DNAI2: variants seen among roughly 807,000 people sequenced by gnomAD.
DNAI2 encodes the protein dynein, axonemal, intermediate polypeptide 2.
Under a neutral mutation model 74.7 loss-of-function variants are expected in DNAI2, and 63 were observed. The ratio of observed to expected loss-of-function variants is 0.84; its 90% CI spans 0.69 to 1.04. The LOEUF (loss-of-function observed/expected upper bound fraction) is 1.04. Among genes scored for constraint, DNAI2 ranks in the 50% least tolerant of loss-of-function variants. The probability of loss-of-function intolerance (pLI) is 0.00; values close to 1 mark genes in which losing one functional copy is unlikely to be tolerated. For missense variants in DNAI2, 688 were observed against 803.2 expected (o/e 0.86, Z 1.73); for synonymous variants, 289 against 314.9 (o/e 0.92, Z 0.87).
chr17:74,287,405 T>C (rs1419661429), intron 4 of DNAI2, among the ~76,000 whole-genome samples: 1 of 152,228 alleles, frequency 6.6e-6, no homozygotes, highest in Non-Finnish European at 1.5e-5. Flanking sequence ...AGCAGCACTG[T>C]GGGCACACAG....
chr17:74,280,748 C>T (rs1351074046), intron 1 of DNAI2, among the ~76,000 whole-genome samples: 1 of 152,142 alleles, frequency 6.6e-6, no homozygotes, highest in Non-Finnish European at 1.5e-5. Context: ...AACATCATCA[C>T]CATCAATATT....
chr17:74,306,115 T>C (rs916612495), intron 9 of DNAI2, among the ~76,000 whole-genome samples: 2 of 152,220 alleles, frequency 1.3e-5, no homozygotes, highest in African/African-American at 2.4e-5. Flanking sequence ...GGAGCCGAGA[T>C]TGGGTGTGAA....
chr17:74,291,788 A>C (rs1227805974), intron 6 of DNAI2, among the ~76,000 whole-genome samples: 2 of 152,316 alleles, frequency 1.3e-5, no homozygotes, highest in Middle Eastern at 3.4e-3. Context: ...CCTACATGCT[A>C]ACGGATATGG....
At position 74,289,533 on chromosome 17, in the gene DNAI2, AAG is replaced by A. The variant is rs1491222259; in HGVS notation, c.468-60_468-59del. ...GACTCCATCTGACAAAAAAAAAAAAAAGGGGGAGAAATTGGGGAACCTCACAT... is the reference window on the plus strand; with the variant it reads ...GACTCCATCTGACAAAAAAAAAAAAAGGGGAGAAATTGGGGAACCTCACAT... On this transcript the variant is annotated intron_variant, in intron 4 of 13. Transcript: ENST00000311014. 11 of 1,575,982 alleles carry A rather than the reference AAG, an allele frequency of 7.0e-6. No individual in the cohort carries two copies. The African/African-American group carries it at 9.6e-5, about 14-fold the overall frequency.
chr17:74,309,441 G>A (rs779484407), intron 10 of DNAI2, 53 bp downstream of exon 10: 13 of 1,612,508 alleles, frequency 8.1e-6, no homozygotes, highest in African/African-American at 4.0e-5. Context: ...GCCAGGTCCC[G>A]GCGTGGGTGT....
At chr17:74,292,660 G>A (rs192074694) in intron 6 of DNAI2, among the ~76,000 whole-genome samples, 7 of 152,036 alleles carry the variant, frequency 4.6e-5, no homozygotes, top group South Asian at 2.1e-4. Flanking sequence ...CAAGGGATCC[G>A]CCTGCCTTGG....
intron 4 of DNAI2, 113 bp downstream of exon 4, chr17:74,287,211 G>A (rs941953597): frequency 6.7e-7 from 1 of 1,500,336 alleles, no homozygotes; most frequent in Non-Finnish European, 9.1e-7. Context: ...CACTGTCTGT[G>A]CTCTGAGCTT....
intron 3 of DNAI2, 26 bp downstream of exon 3, chr17:74,285,227 C>T (rs528389057): frequency 6.6e-5 from 106 of 1,611,768 alleles, no homozygotes; most frequent in Non-Finnish European, 8.0e-5. Flanking sequence ...GCCCCAGCTG[C>T]AAGAGCCCCA....
At chr17:74,291,978 C>T (rs1186163209) in intron 6 of DNAI2, among the ~76,000 whole-genome samples, 1 of 152,148 alleles carries the variant, frequency 6.6e-6, no homozygotes, top group Non-Finnish European at 1.5e-5. Context: ...ATTCTCCTGC[C>T]TCAGCCTCCT....
At chr17:74,309,579 C>T (rs1260186000) in intron 10 of DNAI2, 191 bp downstream of exon 10, 1 of 815,508 alleles carries the variant, frequency 1.2e-6, no homozygotes, top group South Asian at 1.4e-5. Context: ...GGTTAAGGGG[C>T]CTGGGGGATT....
At chr17:74,274,922 G>A (rs570860628) in intron 1 of DNAI2, among the ~76,000 whole-genome samples, 1 of 152,168 alleles carries the variant, frequency 6.6e-6, no homozygotes, top group South Asian at 2.1e-4. Flanking sequence ...CCTGCTCAAG[G>A]TCAAGGTTTA....
At chr17:74,297,705 A>C (rs1202166966) in intron 6 of DNAI2, among the ~76,000 whole-genome samples, 1 of 148,674 alleles carries the variant, frequency 6.7e-6, no homozygotes, top group Non-Finnish European at 1.5e-5. Context: ...TTTTTTTTTA[A>C]TCTCCAGTGA....
At position 74,300,804 on chromosome 17, in the gene DNAI2, G is replaced by A. The variant is rs921373310; in HGVS notation, c.865-242G>A. ...CCTGGAGGTTTTGATTCAGTAGGTC[G>A]AGGGCGAGGCCTCAGCATCTGGGTT... is the stretch of plus-strand genomic sequence containing the variant. On this transcript the variant is annotated intron_variant, in intron 7 of 13. Transcript: ENST00000311014. The surrounding 1 kb of genome is among the most constrained non-coding windows in gnomAD (Gnocchi z 4.5). Among the ~76,000 whole-genome samples, 3 of 152,168 alleles carry A rather than the reference G, an allele frequency of 2.0e-5. No homozygotes were observed. Among genetic ancestry groups the A allele is most frequent in the Admixed American group, 1.3e-4 (2 of 15,282 alleles).
chr17:74,291,175 T>C (rs749741473), intron 6 of DNAI2, 42 bp downstream of exon 6: 27 of 1,502,716 alleles, frequency 1.8e-5, no homozygotes, highest in Non-Finnish European at 2.4e-5. Flanking sequence ...TTTTTATTTT[T>C]TTTAGATGGA....
rs1214535826 is a variant in DNAI2, at chr17:74,289,624, A to G, written c.498A>G (p.Thr166=). 2 of 1,613,794 alleles carry G rather than the reference A, an allele frequency of 1.2e-6. No individual in the cohort carries two copies. Among genetic ancestry groups the G allele is most frequent in the Non-Finnish European group, 1.7e-6 (2 of 1,179,996 alleles). Reference sequence around the variant, plus strand: ...CCCAGGAAATCAAGAGGGCTGCCACACACCTCTCCTGGCACCCCGATGGCA... The same window carrying G: ...CCCAGGAAATCAAGAGGGCTGCCACGCACCTCTCCTGGCACCCCGATGGCA... ...RDPQEIKRAA[T]HLSWHPDGNR... Residue 166 remains threonine, a synonymous_variant, in exon 5 of 14, where the codon ACA becomes ACG. Coordinates refer to ENST00000311014, the MANE Select transcript of DNAI2 (RefSeq NM_023036.6).
Position 74,309,392 on chromosome 17 carries a change from A to T in DNAI2, c.1347+4A>T, listed in dbSNP as rs1458013095. 2 of 1,614,126 alleles carry T rather than the reference A, an allele frequency of 1.2e-6. No homozygotes were observed. The highest frequency in any genetic ancestry group is 1.7e-5 in the Admixed American group (1 of 60,014). On this transcript the variant is annotated splice_donor_region_variant and intron_variant, in intron 10 of 13. Coordinates refer to ENST00000311014, the MANE Select transcript of DNAI2 (RefSeq NM_023036.6). The stretch of plus-strand genomic sequence containing the variant: ...CGATCCCACCCTCAGCTTGAAGGTC[A>T]CGCGCATGTCCCTCCTTGTGCATCC...
rs1373937446 is a variant in DNAI2, at chr17:74,300,365, T to C, written c.864+508T>C. ...GCCTGCACCTCCTCCCCTCCCTCCC[T>C]CTCTTATGTCTGCCTTCAGAGCTAG... On this transcript the variant is annotated intron_variant, in intron 7 of 13. Coordinates refer to ENST00000311014, the MANE Select transcript of DNAI2 (RefSeq NM_023036.6). The surrounding 1 kb of genome is among the most constrained non-coding windows in gnomAD (Gnocchi z 4.5). 3.9e-5 allele frequency among the ~76,000 whole-genome samples: 6 copies of C among 152,128 alleles called. No homozygotes were observed. Among genetic ancestry groups the C allele is most frequent in the Admixed American group, 6.6e-5 (1 of 15,256 alleles).
rs1241205365 is a variant in DNAI2 at position 74,309,300 on chromosome 17, C to T, written c.1259C>T (p.Pro420Leu). 22 of 1,613,950 alleles carry T rather than the reference C, an allele frequency of 1.4e-5. No homozygotes were observed. Among genetic ancestry groups the T allele is most frequent in the African/African-American group, 4.0e-5 (3 of 74,880 alleles). Reference protein sequence around the residue: ...LTDAAWSPVRPTVFFTTRMDG... With the variant: ...LTDAAWSPVRLTVFFTTRMDG... ...GATGCTGCCTGGAGCCCCGTGAGGC[C>T]GACCGTTTTCTTTACCACCAGGATG... Residue 420 changes from proline to leucine, a missense_variant, in exon 10 of 14, where the codon CCG becomes CTG. Transcript: ENST00000311014.
intron 6 of DNAI2, among the ~76,000 whole-genome samples, chr17:74,294,998 GA>G (rs2052348005): frequency 6.6e-6 from 1 of 152,004 alleles, no homozygotes; most frequent in Non-Finnish European, 1.5e-5. Context: ...CACGTTCAGT[GA>G]TTCTTCTGCC....
Sources: allele counts gnomAD v4.1 joint callset (sites outside exome capture counted in the v4.1 genomes callset), GRCh38; gene constraint gnomAD v4.1.1; non-coding constraint Gnocchi (gnomAD v3.1); transcripts MANE v1.5; gene names NCBI Gene and HGNC (gene_info 2026-07-23, HGNC 2026-07-21).